The following GDA variants were observed in gnomAD, a reference collection of about 807,000 sequenced individuals.
The protein encoded by GDA is guanine deaminase, also known as cytoplasmic PSD-95 interactor.
GDA carries 18 observed loss-of-function variants against 59.6 expected under a neutral mutation model. That is an observed-to-expected ratio of 0.30 (90% CI 0.21 to 0.45). GDA has a LOEUF of 0.45. Ranked by LOEUF, GDA falls within the 20% of genes least tolerant of loss-of-function variation. GDA has a pLI of 1.00. For missense variants in GDA, 427 were observed against 552.3 expected, an observed-to-expected ratio of 0.77 and a Z score of 2.27; for synonymous variants, 201 against 201.1, an observed-to-expected ratio of 1.00 and a Z score of 0.00.
At chr9:72,159,479 G>C (rs534411145) in intron 1 of GDA, among the ~76,000 whole-genome samples, 16 of 152,134 alleles carry the variant, frequency 1.1e-4, no homozygotes, top group South Asian at 2.1e-4. Context: ...GTGTCAATAT[G>C]AGTTTATTTA....
chr9:72,199,078 C>T (rs1268536632), intron 2 of GDA, among the ~76,000 whole-genome samples: 1 of 152,114 alleles, frequency 6.6e-6, no homozygotes, highest in Non-Finnish European at 1.5e-5. Context: ...GTAGTAGCTA[C>T]AATTTAGCCA....
chr9:72,126,372 C>T (rs550365931), intron 1 of GDA, among the ~76,000 whole-genome samples: 28 of 152,178 alleles, frequency 1.8e-4, no homozygotes, highest in Admixed American at 4.6e-4. Context: ...GAGACTGTGC[C>T]GGTTTAGCTA....
chr9:72,116,849 A>G (rs1027996699), intron 1 of GDA, among the ~76,000 whole-genome samples: 1 of 152,110 alleles, frequency 6.6e-6, no homozygotes, highest in Non-Finnish European at 1.5e-5. Context: ...ATATGTATAC[A>G]TGTGCCATGT....
chr9:72,202,848 T>C, intron 3 of GDA, 106 bp downstream of exon 3: 1 of 830,922 alleles, frequency 1.2e-6, no homozygotes, highest in Non-Finnish European at 1.9e-6. Flanking sequence ...AAGCCTAAGA[T>C]GGGCCATAGA....
At chr9:72,235,400 A>T (rs901674158) in intron 10 of GDA, among the ~76,000 whole-genome samples, 1 of 152,244 alleles carries the variant, frequency 6.6e-6, no homozygotes, top group East Asian at 1.9e-4. Context: ...TCTGCCAAGG[A>T]AGAATTTTCC....
chr9:72,249,318 T>A lies in GDA; in HGVS notation c.*976T>A, dbSNP rs1293059904. The A allele has an allele frequency of 6.1e-6, 6 of 983,788 alleles. No homozygotes were observed. The highest frequency in any genetic ancestry group is 7.2e-6 in the Non-Finnish European group (6 of 828,550). 60.9% of individuals were successfully genotyped at this position (983,788 alleles called of 1,614,324 possible). A position where few individuals can be genotyped will look rare whatever the true frequency, so the allele number is the denominator to read the frequency against. On this transcript the variant is annotated 3_prime_UTR_variant, in exon 14 of 14. Transcript: ENST00000358399. ...TCCACCCAAACAATATGTTGTAGTT[T>A]CTGGAAATTCCATACTCAGATATCA...
intron 10 of GDA, among the ~76,000 whole-genome samples, chr9:72,234,880 G>A (rs1014596919): frequency 6.6e-6 from 1 of 152,162 alleles, no homozygotes; most frequent in Non-Finnish European, 1.5e-5. Flanking sequence ...AAAAGAGTTT[G>A]GAGACAAAGC....
rs114916094 is a variant in GDA at position 72,248,345 on chromosome 9, C to T, written c.*3C>T. 2.5e-6 allele frequency: 4 copies of T among 1,613,216 alleles called. No homozygotes were observed. In the East Asian group the frequency reaches 6.7e-5, roughly 27 times the overall value. ...TTCCGTTTTCCAGCTCAGTGTAAGACCCTCGGGCGTCTACAAAGTTCTCCT... is the reference window on the plus strand; with the variant it reads ...TTCCGTTTTCCAGCTCAGTGTAAGATCCTCGGGCGTCTACAAAGTTCTCCT... On this transcript the variant is annotated 3_prime_UTR_variant, in exon 14 of 14. Transcript: ENST00000358399.
chr9:72,246,963 C>T (rs530546261), intron 12 of GDA, among the ~76,000 whole-genome samples: 1 of 152,140 alleles, frequency 6.6e-6, no homozygotes, highest in South Asian at 2.1e-4. Flanking sequence ...CTCTTTTCTG[C>T]TTATCAGTAG....
chr9:72,116,562 T>C (rs1246421206), intron 1 of GDA, among the ~76,000 whole-genome samples: 1 of 152,068 alleles, frequency 6.6e-6, no homozygotes, highest in East Asian at 2.0e-4. Context: ...TTTGTATTTT[T>C]AGTAGAGACG....
Position 72,248,498 on chromosome 9 carries a change from G to A in GDA, c.*156G>A, listed in dbSNP as rs1373124427. On this transcript the variant is annotated 3_prime_UTR_variant, in exon 14 of 14. Coordinates refer to ENST00000358399, the MANE Select transcript of GDA (RefSeq NM_004293.5). ...ACAGTATTCACTTGACAAATAGTTC[G>A]AAGGAAGTTGCACTAATTCTCAACT... is the stretch of plus-strand genomic sequence containing the variant. 25 of 1,434,308 alleles carry A rather than the reference G, an allele frequency of 1.7e-5. No homozygotes were observed. Among genetic ancestry groups the A allele is most frequent in the African/African-American group, 5.8e-5 (4 of 69,222 alleles). The allele number at this position is 1,434,308 out of a possible 1,614,324, so 88.8% of individuals were successfully genotyped here. A position where few individuals can be genotyped will look rare whatever the true frequency, so the allele number is the denominator to read the frequency against.
intron 1 of GDA, among the ~76,000 whole-genome samples, chr9:72,160,042 A>C (rs568862770): frequency 2.0e-5 from 3 of 152,126 alleles, no homozygotes; most frequent in Admixed American, 2.0e-4. Context: ...GCTCATGCCT[A>C]TAATCCCAGC....
At chr9:72,179,979 G>A (rs10869141) in intron 1 of GDA, among the ~76,000 whole-genome samples, 2 of 151,794 alleles carry the variant, frequency 1.3e-5, no homozygotes, top group African/African-American at 2.4e-5. Context: ...TTACTGGCGG[G>A]GGGGGTTAGG....
chr9:72,150,732 C>G (rs773842835), intron 1 of GDA, among the ~76,000 whole-genome samples: 3 of 152,170 alleles, frequency 2.0e-5, no homozygotes, highest in Non-Finnish European at 2.9e-5. Flanking sequence ...AATCGTGACT[C>G]TTACATTTGG....
intron 1 of GDA, among the ~76,000 whole-genome samples, chr9:72,191,746 C>T (rs1415824631): frequency 1.3e-5 from 2 of 152,106 alleles, no homozygotes; most frequent in African/African-American, 4.8e-5. Flanking sequence ...CCACCACACC[C>T]AGCTGATTTT....
At chr9:72,236,776 ATTTTTTTT>A in intron 10 of GDA, among the ~76,000 whole-genome samples, 1 of 101,456 alleles carries the variant, frequency 9.9e-6, no homozygotes, top group African/African-American at 3.9e-5. Flanking sequence ...AACCACTCCT[ATTTTTTTT>A]TTTTTTTTTT....
At chr9:72,213,582 T>A (rs1400593121) in intron 4 of GDA, among the ~76,000 whole-genome samples, 1 of 151,916 alleles carries the variant, frequency 6.6e-6, no homozygotes, top group Non-Finnish European at 1.5e-5. Flanking sequence ...GGCGGGCGGA[T>A]CACAAGGTCA....
rs1046426714 is a variant in GDA at position 72,248,792 on chromosome 9, A to G, written c.*450A>G. 6.1e-6 allele frequency: 6 copies of G among 990,866 alleles called. No individual in the cohort carries two copies. In the African/African-American group the frequency reaches 7.0e-5, roughly 12 times the overall value. 61.4% of individuals were successfully genotyped at this position (990,866 alleles called of 1,614,324 possible). A position where few individuals can be genotyped will look rare whatever the true frequency, so the allele number is the denominator to read the frequency against. On this transcript the variant is annotated 3_prime_UTR_variant, in exon 14 of 14. Transcript: ENST00000358399. ...AGGGAGCAAAAGTTAGACTGAGAAC[A>G]AACGTTAGAAAATCACTTCAGATTG...
At chr9:72,168,410 T>TC (rs1829574243) in intron 1 of GDA, among the ~76,000 whole-genome samples, 1 of 150,140 alleles carries the variant, frequency 6.7e-6, no homozygotes, top group Non-Finnish European at 1.5e-5. Flanking sequence ...TTTTTTTTTT[T>TC]TTGAGATAGA....
Sources: allele counts gnomAD v4.1 joint callset (sites outside exome capture counted in the v4.1 genomes callset), GRCh38; gene constraint gnomAD v4.1.1; transcripts MANE v1.5; gene names NCBI Gene and HGNC (gene_info 2026-07-23, HGNC 2026-07-21).